The following ARHGEF17 variants were observed in gnomAD, a reference collection of about 807,000 sequenced individuals.
ARHGEF17 encodes 164 kDa Rho-specific guanine-nucleotide exchange factor.
Under a neutral mutation model 174.0 loss-of-function variants are expected in ARHGEF17, and 80 were observed. The observed-to-expected ratio is 0.46, with a 90% CI of 0.38 to 0.55. The LOEUF is 0.55. Ranked by LOEUF, ARHGEF17 falls within the 20% of genes least tolerant of loss-of-function variation. The probability of loss-of-function intolerance (pLI) is 0.00; values close to 1 mark genes in which losing one functional copy is unlikely to be tolerated. For missense variants in ARHGEF17, 2,886 were observed against 2,839.7 expected (o/e 1.02, Z -0.37); for synonymous variants, 1,311 against 1,189.1 (o/e 1.10, Z -2.11).
chr11:73,312,078 T>C (rs1864848470), intron 1 of ARHGEF17, among the ~76,000 whole-genome samples: 2 of 152,232 alleles, frequency 1.3e-5, no homozygotes, highest in Non-Finnish European at 2.9e-5. Context: ...GCTCCAGGTG[T>C]TCTGGGTGGT....
At chr11:73,355,687 C>A in intron 4 of ARHGEF17, 38 bp downstream of exon 4, 1 of 1,595,506 alleles carries the variant, frequency 6.3e-7, no homozygotes. Flanking sequence ...AGGTGACCCT[C>A]ACCTTGGGCC....
rs765351064 is a variant in ARHGEF17, at chr11:73,363,385, C to G, written c.5176C>G (p.Leu1726Val). ...CCACGGCTCCTTCACCCGGGGCAGC[C>G]TTGAGGACCTGCTGAGTGTCGACCC... ...SSHGSFTRGS[L>V]EDLLSVDPEA... Residue 1726 changes from leucine to valine, a missense_variant, in exon 15 of 21, where the codon CTT (leucine) becomes GTT (valine). Leu to Val is a conservative substitution (Grantham distance 32, BLOSUM62 1). Coordinates refer to ENST00000263674, the MANE Select transcript of ARHGEF17 (RefSeq NM_014786.4). The G allele has an allele frequency of 1.2e-5, 20 of 1,613,264 alleles. No individual in the cohort carries two copies. Among genetic ancestry groups the G allele is most frequent in the Non-Finnish European group, 1.7e-5 (20 of 1,179,908 alleles).
At chr11:73,358,562 A>G (rs1051231402) in intron 9 of ARHGEF17, among the ~76,000 whole-genome samples, 2 of 150,574 alleles carry the variant, frequency 1.3e-5, no homozygotes, top group Non-Finnish European at 2.9e-5. Flanking sequence ...GGTTCAAGCA[A>G]TTCCCCTGCC....
At chr11:73,347,458 G>A (rs1299822541) in intron 2 of ARHGEF17, among the ~76,000 whole-genome samples, 1 of 152,316 alleles carries the variant, frequency 6.6e-6, no homozygotes, top group East Asian at 1.9e-4. Context: ...GAAACATCGA[G>A]GGGCACCTGC....
At chr11:73,318,775 A>AG (rs1444086844) in intron 1 of ARHGEF17, among the ~76,000 whole-genome samples, 2 of 152,252 alleles carry the variant, frequency 1.3e-5, no homozygotes, top group African/African-American at 4.8e-5. Flanking sequence ...GCAGAGGTCT[A>AG]GGTGGTGTAT....
chr11:73,364,588 G>C lies in ARHGEF17; in HGVS notation c.5538G>C (p.Thr1846=). 1 of 1,608,954 alleles carries C rather than the reference G, an allele frequency of 6.2e-7. No individual in the cohort carries two copies. Among genetic ancestry groups the C allele is most frequent in the Admixed American group, 1.7e-5 (1 of 58,486 alleles). ...GAGTCCTTGTCCTGAGCCCTGACAC[G>C]CTGCAGCTGGAGGTAGCAGGGGGTG... ...QNRVLVLSPD[T]LQLEHMFYVG... The change falls in exon 18 of 21, where the codon ACG becomes ACC. Residue 1846 remains threonine (T), a synonymous_variant. Transcript: ENST00000263674.
chr11:73,329,326 T>C (rs1865154036), intron 1 of ARHGEF17, among the ~76,000 whole-genome samples: 2 of 1,944 alleles, frequency 1.0e-3, no homozygotes, highest in South Asian at 0.05. Context: ...AGCTTTCATA[T>C]ATATATATAT....
Position 73,355,589 on chromosome 11 carries a change from T to C in ARHGEF17, c.3510T>C (p.Asn1170=). 1 of 1,614,192 alleles carries C rather than the reference T, an allele frequency of 6.2e-7. No individual in the cohort carries two copies. The highest frequency in any genetic ancestry group is 8.5e-7 in the Non-Finnish European group (1 of 1,180,008). ...IYSAYIDNFL[N]AKDAVRVAKE... Reference sequence around the variant, plus strand: ...CTGCCTATATCGATAACTTCCTCAATGCAAAGGATGCTGTGCGTGTGGCCA... The same window carrying C: ...CTGCCTATATCGATAACTTCCTCAACGCAAAGGATGCTGTGCGTGTGGCCA... The change falls in exon 4 of 21, where the codon AAT becomes AAC. Residue 1170 remains asparagine, a synonymous_variant. Transcript: ENST00000263674.
chr11:73,353,668 C>G (rs3887105), intron 3 of ARHGEF17, among the ~76,000 whole-genome samples: 12,978 of 152,010 alleles, frequency 0.085, 556 homozygotes, highest in Non-Finnish European at 0.1. Context: ...GGTTCCAGTG[C>G]CCCGGCTTCC....
In ARHGEF17 at chr11:73,357,225, C is replaced by T. The variant is rs1459926788; in HGVS notation, c.4002-17C>T. 2 of 1,613,314 alleles carry T rather than the reference C, an allele frequency of 1.2e-6. No homozygotes were observed. The highest frequency in any genetic ancestry group is 1.3e-5 in the African/African-American group (1 of 74,910). Reference sequence around the variant, plus strand: ...ACTCCCCGACCCTGGCCAGAGCGCCCCATTGGCTCCCCACAGGTACACGGC... The same window carrying T: ...ACTCCCCGACCCTGGCCAGAGCGCCTCATTGGCTCCCCACAGGTACACGGC... On this transcript the variant is annotated splice_polypyrimidine_tract_variant and intron_variant, in intron 8 of 20. Coordinates refer to ENST00000263674, the MANE Select transcript of ARHGEF17 (RefSeq NM_014786.4).
chr11:73,344,265 G>A (rs897402734), intron 1 of ARHGEF17, among the ~76,000 whole-genome samples: 1 of 152,216 alleles, frequency 6.6e-6, no homozygotes, highest in East Asian at 1.9e-4. Context: ...CGCAACCCCC[G>A]CACACTACAC....
intron 1 of ARHGEF17, among the ~76,000 whole-genome samples, chr11:73,341,512 A>G (rs926451860): frequency 6.6e-6 from 1 of 151,660 alleles, no homozygotes; most frequent in African/African-American, 2.4e-5. Flanking sequence ...GGGTTTCTCC[A>G]TATTGGTCAG....
intron 1 of ARHGEF17, among the ~76,000 whole-genome samples, chr11:73,346,630 G>A (rs1223345999): frequency 6.6e-6 from 1 of 152,168 alleles, no homozygotes; most frequent in Non-Finnish European, 1.5e-5. Context: ...GGGCAGAGGA[G>A]TGAGTGCCTA....
At chr11:73,332,006 G>A (rs1865211812) in intron 1 of ARHGEF17, among the ~76,000 whole-genome samples, 2 of 152,202 alleles carry the variant, frequency 1.3e-5, no homozygotes, top group African/African-American at 2.4e-5. Flanking sequence ...GGGGGAGCTT[G>A]TCAGCCCTGC....
chr11:73,352,236 A>C (rs1446637613), intron 2 of ARHGEF17, among the ~76,000 whole-genome samples: 1 of 152,204 alleles, frequency 6.6e-6, no homozygotes, highest in African/African-American at 2.4e-5. Context: ...AGGCAGGAGA[A>C]TCACTTGAAC....
chr11:73,336,022 A>G (rs921263145), intron 1 of ARHGEF17, among the ~76,000 whole-genome samples: 1 of 152,178 alleles, frequency 6.6e-6, no homozygotes, highest in Non-Finnish European at 1.5e-5. Flanking sequence ...TCCTATTTCC[A>G]TCTAACTCCC....
intron 1 of ARHGEF17, among the ~76,000 whole-genome samples, chr11:73,323,316 C>T (rs934352279): frequency 2.6e-5 from 4 of 152,192 alleles, no homozygotes; most frequent in African/African-American, 9.7e-5. Flanking sequence ...AAGTGGGAGT[C>T]CTCCAGAGTC....
At chr11:73,325,407 A>T (rs576565521) in intron 1 of ARHGEF17, among the ~76,000 whole-genome samples, 14 of 152,204 alleles carry the variant, frequency 9.2e-5, no homozygotes, top group South Asian at 4.1e-4. Flanking sequence ...TGTAGAGAGG[A>T]GCCCTGCTGG....
Position 73,360,316 on chromosome 11 carries a change from A to T in ARHGEF17, c.4207-4A>T. The T allele has an allele frequency of 3.1e-6, 5 of 1,613,316 alleles. No individual in the cohort carries two copies. The highest frequency in any genetic ancestry group is 4.2e-6 in the Non-Finnish European group (5 of 1,179,988). On this transcript the variant is annotated splice_region_variant and splice_polypyrimidine_tract_variant and intron_variant, in intron 10 of 20. Transcript: ENST00000263674. ...GCCTGAGGCCTGGGCCCTCTTCCCC[A>T]CAGAGCCTGGACGATGCACTGCGGG...
Sources: gnomAD v4.1 joint callset for allele counts (sites outside exome capture counted in the v4.1 genomes callset) on GRCh38, gnomAD v4.1.1 for gene constraint, MANE v1.5 for transcripts, NCBI Gene and HGNC (gene_info 2026-07-23, HGNC 2026-07-21) for gene names.